The following ITPR2 variants were observed in gnomAD, a reference collection of about 807,000 sequenced individuals.
ITPR2 encodes the protein inositol 1,4,5-trisphosphate receptor type 2.
In ITPR2, 207 loss-of-function variants were observed where a neutral mutation model predicts 317.1. The observed-to-expected ratio is 0.65, with a 90% CI of 0.58 to 0.73. The LOEUF (loss-of-function observed/expected upper bound fraction) is 0.73. Among genes scored for constraint, ITPR2 ranks in the 30% least tolerant of loss-of-function variants. ITPR2 has a pLI of 0.00. For missense variants in ITPR2, 2,613 were observed against 3,284.0 expected, an observed-to-expected ratio of 0.80 and a Z score of 4.99; for synonymous variants, 1,156 against 1,149.1, an observed-to-expected ratio of 1.01 and a Z score of -0.12.
chr12:26,794,408 C>T (rs560691193), intron 1 of ITPR2, among the ~76,000 whole-genome samples: 10 of 152,106 alleles, frequency 6.6e-5, no homozygotes, highest in African/African-American at 2.2e-4. Context: ...CTATTTTCTA[C>T]GTTTTTATTG....
chr12:26,603,906 G>A (rs919670505), intron 26 of ITPR2, among the ~76,000 whole-genome samples: 12 of 152,082 alleles, frequency 7.9e-5, no homozygotes, highest in South Asian at 4.1e-4. Flanking sequence ...CCTTATTTAC[G>A]ATCTATTCAA....
rs76827718 is a variant in ITPR2, at chr12:26,519,413, G to A, written c.5074-24153C>T. 4.1e-3 allele frequency among the ~76,000 whole-genome samples: 631 copies of A among 152,132 alleles called. 13 individuals are homozygous for A. Among genetic ancestry groups the A allele is most frequent in the Admixed American group, 0.027 (415 of 15,284 alleles). Reference sequence around the variant, plus strand: ...AGAAATATAGTACTTACATAAAACAGCAAAAGTCCTATGATTATGCTTTAC... The same window carrying A: ...AGAAATATAGTACTTACATAAAACAACAAAAGTCCTATGATTATGCTTTAC... On this transcript the variant is annotated intron_variant, in intron 37 of 56. Coordinates refer to ENST00000381340, the MANE Select transcript of ITPR2 (RefSeq NM_002223.4).
chr12:26,391,854 C>G (rs1343079455), intron 54 of ITPR2, among the ~76,000 whole-genome samples: 2 of 152,138 alleles, frequency 1.3e-5, no homozygotes, highest in East Asian at 3.9e-4. Flanking sequence ...GCATGAGCCA[C>G]CGTGCCCGGC....
chr12:26,425,372 C>G (rs373605526), intron 49 of ITPR2, among the ~76,000 whole-genome samples: 39 of 151,372 alleles, frequency 2.6e-4, no homozygotes, highest in African/African-American at 9.2e-4. Flanking sequence ...TTTTTTTGGT[C>G]AAAATGCTCT....
intron 2 of ITPR2, among the ~76,000 whole-genome samples, chr12:26,772,632 T>C (rs751741603): frequency 6.7e-6 from 1 of 149,598 alleles, no homozygotes; most frequent in African/African-American, 2.4e-5. Context: ...CATTTCTGAC[T>C]GGTCTGAACT....
Position 26,527,053 on chromosome 12 carries a change from C to T in ITPR2, c.5073+23194G>A, listed in dbSNP as rs533555400. ...TAATGATCTATTCCTGCAAAGTTAA[C>T]ACTCACTTCTAGTGTCTTAAGCTTT... On this transcript the variant is annotated intron_variant, in intron 37 of 56. Transcript: ENST00000381340. 7.9e-5 allele frequency among the ~76,000 whole-genome samples: 12 copies of T among 152,290 alleles called. 1 individual carries two copies. In the South Asian group the frequency reaches 2.3e-3, roughly 29 times the overall value.
intron 8 of ITPR2, among the ~76,000 whole-genome samples, chr12:26,711,766 G>A (rs191344631): frequency 2.0e-5 from 3 of 152,294 alleles, no homozygotes; most frequent in African/African-American, 7.2e-5. Context: ...AGTAACTAGG[G>A]AAGGCAACTT....
At chr12:26,671,164 G>C (rs1347849769) in intron 13 of ITPR2, among the ~76,000 whole-genome samples, 1 of 152,140 alleles carries the variant, frequency 6.6e-6, no homozygotes, top group Non-Finnish European at 1.5e-5. Flanking sequence ...ATCTAGCAAA[G>C]CAGGACAACA....
intron 16 of ITPR2, 128 bp from the exon 17 acceptor site, chr12:26,658,258 A>C: frequency 1.9e-6 from 1 of 537,558 alleles, no homozygotes; most frequent in Non-Finnish European, 2.9e-6. Flanking sequence ...TCCACACAAC[A>C]TTTGTCTAAT....
intron 1 of ITPR2, among the ~76,000 whole-genome samples, chr12:26,820,144 T>A (rs756257204): frequency 6.6e-5 from 10 of 152,120 alleles, no homozygotes; most frequent in Non-Finnish European, 1.3e-4. Context: ...TCTGAGTGTG[T>A]AGAGAGAGAT....
At chr12:26,812,287 A>T (rs1029847369) in intron 1 of ITPR2, among the ~76,000 whole-genome samples, 6 of 152,094 alleles carry the variant, frequency 3.9e-5, no homozygotes, top group Non-Finnish European at 8.8e-5. Context: ...TTTAAAAAAA[A>T]CCTAATACGG....
intron 32 of ITPR2, among the ~76,000 whole-genome samples, chr12:26,582,263 T>A (rs1483084043): frequency 6.6e-6 from 1 of 152,164 alleles, no homozygotes; most frequent in African/African-American, 2.4e-5. Flanking sequence ...ATGATCCTCA[T>A]ACATATGAAT....
chr12:26,719,660 T>C (rs1948799988), intron 5 of ITPR2, among the ~76,000 whole-genome samples: 1 of 152,180 alleles, frequency 6.6e-6, no homozygotes, highest in Non-Finnish European at 1.5e-5. Context: ...CGTGCAGGTT[T>C]GTTACATATG....
intron 45 of ITPR2, among the ~76,000 whole-genome samples, chr12:26,473,051 T>C (rs912446105): frequency 1.3e-5 from 2 of 152,048 alleles, no homozygotes; most frequent in African/African-American, 4.8e-5. Flanking sequence ...CACACCCAAC[T>C]AATTTTTGTA....
intron 55 of ITPR2, among the ~76,000 whole-genome samples, chr12:26,354,161 C>T (rs1286477678): frequency 6.6e-6 from 1 of 152,080 alleles, no homozygotes; most frequent in African/African-American, 2.4e-5. Context: ...GTAATCCCAG[C>T]TACTCAGGAG....
Position 26,712,025 on chromosome 12 carries a change from A to G in ITPR2, c.856-757T>C, listed in dbSNP as rs188733778. 2.0e-5 allele frequency among the ~76,000 whole-genome samples: 3 copies of G among 152,294 alleles called. No individual in the cohort carries two copies. The East Asian group carries it at 5.8e-4, about 29-fold the overall frequency. ...GCTCACTGGGAATGAATGCAGTAGA[A>G]GCTCTGACACACCTGGTTATGACAG... On this transcript the variant is annotated intron_variant, in intron 8 of 56. Coordinates refer to ENST00000381340, the MANE Select transcript of ITPR2 (RefSeq NM_002223.4).
In ITPR2 at chr12:26,536,678, T is replaced by C. The variant is rs561958412; in HGVS notation, c.5073+13569A>G. Among the ~76,000 whole-genome samples the C allele has an allele frequency of 2.5e-4, 38 of 150,880 alleles. No individual in the cohort carries two copies. In the South Asian group the frequency reaches 7.3e-3, roughly 29 times the overall value. The stretch of plus-strand genomic sequence containing the variant: ...TGGGTGGTGGACTCTGGAAGAGAGA[T>C]GGTCAGTGCAGATACACCAGGCCAG... On this transcript the variant is annotated intron_variant, in intron 37 of 56. Coordinates refer to ENST00000381340, the MANE Select transcript of ITPR2 (RefSeq NM_002223.4).
chr12:26,709,594 G>T (rs1010414013), intron 9 of ITPR2, among the ~76,000 whole-genome samples: 1 of 152,060 alleles, frequency 6.6e-6, no homozygotes, highest in African/African-American at 2.4e-5. Flanking sequence ...TTTAATTATA[G>T]AAATTAACAA....
intron 55 of ITPR2, 149 bp from the exon 56 acceptor site, chr12:26,340,477 G>A: frequency 1.3e-6 from 1 of 770,342 alleles, no homozygotes; most frequent in Non-Finnish European, 1.9e-6. Context: ...GCTGAAGTAG[G>A]GCTTAGACAC....
Sources: gnomAD v4.1 joint callset for allele counts (sites outside exome capture counted in the v4.1 genomes callset) on GRCh38, gnomAD v4.1.1 for gene constraint, MANE v1.5 for transcripts, NCBI Gene and HGNC (gene_info 2026-07-23, HGNC 2026-07-21) for gene names.